The following GPC5 variants were observed in gnomAD, a reference collection of about 807,000 sequenced individuals.
GPC5 encodes glypican 5.
In GPC5, 47 loss-of-function variants were observed where a neutral mutation model predicts 53.9. That is an observed-to-expected ratio of 0.87 (90% CI 0.69 to 1.11). GPC5 has a LOEUF of 1.11. GPC5 is among the 50% of genes most tolerant of loss of function. The pLI, the probability that GPC5 is intolerant of heterozygous loss-of-function variation, is 0.00. For synonymous variants in GPC5, 286 were observed against 263.3 expected, an observed-to-expected ratio of 1.09 and a Z score of -0.84; for missense variants, 748 against 713.1, an observed-to-expected ratio of 1.05 and a Z score of -0.56.
chr13:92,121,613 C>T (rs1460139752), intron 6 of GPC5, among the ~76,000 whole-genome samples: 5 of 152,218 alleles, frequency 3.3e-5, no homozygotes, highest in African/African-American at 1.2e-4. Context: ...CTTCCCAGTT[C>T]TTATCCATGG....
chr13:91,993,321 C>T (rs2040473933), intron 6 of GPC5, among the ~76,000 whole-genome samples: 1 of 152,030 alleles, frequency 6.6e-6, no homozygotes, highest in South Asian at 2.1e-4. Flanking sequence ...AAATGTGTCA[C>T]GTTATGTTTA....
intron 2 of GPC5, among the ~76,000 whole-genome samples, chr13:91,559,632 C>A (rs748087528): frequency 2.6e-5 from 4 of 152,110 alleles, no homozygotes; most frequent in Non-Finnish European, 5.9e-5. Flanking sequence ...ATGAAACTGG[C>A]TGTATTGAAC....
chr13:91,693,882 G>A lies in GPC5; in HGVS notation c.1020+1G>A, dbSNP rs2035822131. ...CAATGGACAAAAATTATTGGAACAG[G>A]TAAGTAGGAGCTCCACATTTTCAGT... On this transcript the variant is annotated splice_donor_variant, in intron 3 of 7. Coordinates refer to ENST00000377067, the MANE Select transcript of GPC5 (RefSeq NM_004466.6). LOFTEE classifies it high-confidence loss of function. 5 of 1,576,922 alleles carry A rather than the reference G, an allele frequency of 3.2e-6. No individual in the cohort carries two copies. The highest frequency in any genetic ancestry group is 4.3e-6 in the Non-Finnish European group (5 of 1,160,684).
chr13:92,473,644 GT>G (rs1433870905), intron 7 of GPC5, among the ~76,000 whole-genome samples: 2 of 152,082 alleles, frequency 1.3e-5, no homozygotes, highest in African/African-American at 4.8e-5. Context: ...GAATATTTAA[GT>G]TTTATAATTT....
intron 7 of GPC5, among the ~76,000 whole-genome samples, chr13:92,538,569 C>T (rs191557201): frequency 2.0e-5 from 3 of 147,860 alleles, no homozygotes; most frequent in Admixed American, 6.8e-5. Flanking sequence ...CCCATCAACC[C>T]GTCATCTACA....
At chr13:91,582,667 G>A (rs2032409453) in intron 2 of GPC5, among the ~76,000 whole-genome samples, 1 of 152,084 alleles carries the variant, frequency 6.6e-6, no homozygotes. Flanking sequence ...TCAAAGGAGG[G>A]CAATTATGGC....
At chr13:91,934,200 A>G (rs2039848710) in intron 6 of GPC5, among the ~76,000 whole-genome samples, 1 of 152,004 alleles carries the variant, frequency 6.6e-6, no homozygotes, top group African/African-American at 2.4e-5. Context: ...CCAAAATGGG[A>G]AAAATCAGAA....
intron 7 of GPC5, among the ~76,000 whole-genome samples, chr13:92,453,359 C>G (rs1878139803): frequency 6.6e-6 from 1 of 151,788 alleles, no homozygotes; most frequent in Admixed American, 6.6e-5. Flanking sequence ...TCCAAATCAG[C>G]ATGTAGGGTA....
intron 7 of GPC5, among the ~76,000 whole-genome samples, chr13:92,452,728 C>G (rs1193768141): frequency 6.6e-6 from 1 of 152,080 alleles, no homozygotes; most frequent in Admixed American, 6.5e-5. Flanking sequence ...CAGCCACACC[C>G]GGCTAATATT....
At chr13:92,052,962 T>C (rs1022714242) in intron 6 of GPC5, among the ~76,000 whole-genome samples, 1 of 152,194 alleles carries the variant, frequency 6.6e-6, no homozygotes, top group Non-Finnish European at 1.5e-5. Context: ...GGTTTCCAGC[T>C]TAAAGCAGGT....
intron 4 of GPC5, among the ~76,000 whole-genome samples, chr13:91,746,498 G>GAA (rs2037053755): frequency 6.6e-6 from 1 of 151,936 alleles, no homozygotes; most frequent in Non-Finnish European, 1.5e-5. Flanking sequence ...TGTATTCAAT[G>GAA]GAAAAAAAGA....
chr13:92,675,679 A>C (rs1886915025), intron 7 of GPC5, among the ~76,000 whole-genome samples: 1 of 152,054 alleles, frequency 6.6e-6, no homozygotes, highest in Non-Finnish European at 1.5e-5. Context: ...TCTTATATGA[A>C]TCTTATAGTT....
intron 6 of GPC5, among the ~76,000 whole-genome samples, chr13:91,970,387 A>C (rs1383676209): frequency 6.6e-6 from 1 of 152,178 alleles, no homozygotes; most frequent in East Asian, 1.9e-4. Flanking sequence ...GATTAGAGTT[A>C]ACAATGCTGT....
intron 2 of GPC5, among the ~76,000 whole-genome samples, chr13:91,553,627 G>A (rs1283168080): frequency 6.6e-6 from 1 of 151,946 alleles, no homozygotes; most frequent in Non-Finnish European, 1.5e-5. Flanking sequence ...TATTTGTAAG[G>A]CATCGTTTTA....
At chr13:92,076,511 A>G (rs752277264) in intron 6 of GPC5, among the ~76,000 whole-genome samples, 3 of 152,216 alleles carry the variant, frequency 2.0e-5, no homozygotes, top group Non-Finnish European at 4.4e-5. Context: ...GAATATAAAT[A>G]AATAAAATTG....
intron 1 of GPC5, among the ~76,000 whole-genome samples, chr13:91,427,853 T>C (rs898019511): frequency 1.3e-5 from 2 of 152,172 alleles, no homozygotes; most frequent in Non-Finnish European, 2.9e-5. Flanking sequence ...TCCCCCATGC[T>C]GTTCTCGTGA....
At chr13:92,574,131 A>G (rs905504707) in intron 7 of GPC5, among the ~76,000 whole-genome samples, 25 of 152,160 alleles carry the variant, frequency 1.6e-4, no homozygotes, top group Non-Finnish European at 3.4e-4. Context: ...ATAATTCTTT[A>G]TAATAAAACT....
At chr13:91,688,798 T>C (rs1335591462) in intron 2 of GPC5, among the ~76,000 whole-genome samples, 2 of 152,102 alleles carry the variant, frequency 1.3e-5, no homozygotes, top group African/African-American at 4.8e-5. Context: ...CATGTTACTA[T>C]ACTTAATACT....
chr13:92,284,634 CA>C (rs1175259445), intron 7 of GPC5, among the ~76,000 whole-genome samples: 1 of 152,038 alleles, frequency 6.6e-6, no homozygotes, highest in African/African-American at 2.4e-5. Flanking sequence ...GAACCAAAGA[CA>C]AAAAACACAT....
Sources: gnomAD v4.1 joint callset for allele counts (sites outside exome capture counted in the v4.1 genomes callset) on GRCh38, gnomAD v4.1.1 for gene constraint, MANE v1.5 for transcripts, NCBI Gene and HGNC (gene_info 2026-07-23, HGNC 2026-07-21) for gene names.